AK9: variants seen among roughly 807,000 people sequenced by gnomAD.
AK9 encodes adenylate kinase 9.
In AK9, 191 loss-of-function variants were observed where a neutral mutation model predicts 239.6. The ratio of observed to expected loss-of-function variants is 0.80; its 90% CI spans 0.71 to 0.90. The LOEUF is 0.90. Ranked by LOEUF, AK9 falls within the 40% of genes least tolerant of loss-of-function variation. The probability of loss-of-function intolerance (pLI) is 0.00; values close to 1 mark genes in which losing one functional copy is unlikely to be tolerated. For synonymous variants in AK9, 689 were observed against 721.0 expected (o/e 0.96, Z 0.71); for missense variants, 1,995 against 2,214.7 (o/e 0.90, Z 1.99).
intron 25 of AK9, among the ~76,000 whole-genome samples, chr6:109,549,070 C>G: frequency 6.6e-6 from 1 of 152,158 alleles, no homozygotes; most frequent in East Asian, 1.9e-4. Context: ...AAAGCTGTAA[C>G]AGAAAAATGT....
At chr6:109,614,318 C>G in intron 14 of AK9, 22 bp from the exon 15 acceptor site, 1 of 1,549,540 alleles carries the variant, frequency 6.5e-7, no homozygotes, top group Non-Finnish European at 8.7e-7. Flanking sequence ...GAATAATATA[C>G]TTTATCAGCT....
chr6:109,540,669 A>T (rs9320295), intron 27 of AK9, among the ~76,000 whole-genome samples: 10 of 151,672 alleles, frequency 6.6e-5, no homozygotes, highest in Admixed American at 3.9e-4. Context: ...TTGGAAATTC[A>T]GAAATCACCT....
intron 17 of AK9, among the ~76,000 whole-genome samples, chr6:109,602,081 G>C (rs1370114631): frequency 6.6e-6 from 1 of 152,052 alleles, no homozygotes; most frequent in Non-Finnish European, 1.5e-5. Flanking sequence ...TTACATTTAA[G>C]GTTAATATTG....
chr6:109,554,878 A>C (rs1240364641), intron 24 of AK9, among the ~76,000 whole-genome samples: 1 of 151,922 alleles, frequency 6.6e-6, no homozygotes, highest in Non-Finnish European at 1.5e-5. Flanking sequence ...CCCCTTTGTC[A>C]TTTGTTATTG....
intron 2 of AK9, among the ~76,000 whole-genome samples, chr6:109,674,954 T>A (rs533950236): frequency 4.1e-4 from 62 of 152,212 alleles, no homozygotes; most frequent in Admixed American, 1.3e-3. Flanking sequence ...TTATCTAGAG[T>A]TTCTTACTAG....
intron 1 of AK9, among the ~76,000 whole-genome samples, chr6:109,683,687 T>C (rs944223856): frequency 3.3e-5 from 5 of 152,152 alleles, no homozygotes; most frequent in Non-Finnish European, 7.4e-5. Context: ...GAATACAACT[T>C]ACAAGAAATG....
At chr6:109,640,524 G>T (rs1477135171) in intron 10 of AK9, among the ~76,000 whole-genome samples, 1 of 152,028 alleles carries the variant, frequency 6.6e-6, no homozygotes, top group Non-Finnish European at 1.5e-5. Context: ...CGATCCCGCT[G>T]GGAGCTGCAG....
chr6:109,563,769 T>G, intron 23 of AK9, 57 bp from the exon 24 acceptor site: 1 of 1,483,350 alleles, frequency 6.7e-7, no homozygotes, highest in Non-Finnish European at 9.1e-7. Context: ...GTTATTAGCA[T>G]ATTACTATAG....
In AK9 at chr6:109,635,252, T is replaced by C. The variant is rs1436062492; in HGVS notation, c.934-1929A>G. 2.0e-5 allele frequency among the ~76,000 whole-genome samples: 3 copies of C among 152,198 alleles called. No individual in the cohort carries two copies. In the East Asian group the frequency reaches 5.8e-4, roughly 29 times the overall value. On this transcript the variant is annotated intron_variant, in intron 10 of 40. Transcript: ENST00000424296. ...AGCAGATGGATGAGTGGTAACTGAC[T>C]TATATCAGAGATAGGTGAAAGCTAA...
At chr6:109,581,268 C>G (rs769189911) in intron 19 of AK9, among the ~76,000 whole-genome samples, 1 of 152,132 alleles carries the variant, frequency 6.6e-6, no homozygotes, top group Admixed American at 6.6e-5. Context: ...ACATTTGTCA[C>G]TTTAAATCAA....
rs1332658812 is a variant in AK9 at position 109,514,294 on chromosome 6, T to G, written c.4209A>C (p.Gln1403His). The G allele has an allele frequency of 6.4e-7, 1 of 1,551,810 alleles. No homozygotes were observed. Among genetic ancestry groups the G allele is most frequent in the Non-Finnish European group, 8.7e-7 (1 of 1,146,976 alleles). The change falls in exon 32 of 41, where the codon CAA (glutamine) becomes CAC (histidine). Residue 1403 changes from glutamine (Q) to histidine (H), a missense_variant. Gln to His is a conservative substitution (Grantham distance 24). Transcript: ENST00000424296. ...TGGGCACAGTAGGCTTAGGTTTGGG[T>G]TGGCGGATATATTTGATTGGGTTCT... is the stretch of plus-strand genomic sequence containing the variant. ...FMKNPIKYIR[Q>H]PKPKPTVPIR...
At chr6:109,662,481 G>T (rs1380113102) in intron 6 of AK9, 70 bp downstream of exon 6, 1 of 1,230,850 alleles carries the variant, frequency 8.1e-7, no homozygotes, top group Non-Finnish European at 1.1e-6. Flanking sequence ...AATGTTTAAA[G>T]CATTCCTTGA....
Position 109,636,390 on chromosome 6 carries a change from T to A in AK9, c.934-3067A>T, listed in dbSNP as rs564072672. 2.3e-3 allele frequency among the ~76,000 whole-genome samples: 346 copies of A among 152,218 alleles called. 2 individuals carry two copies. The highest frequency in any genetic ancestry group is 4.0e-3 in the Non-Finnish European group (272 of 68,014). ...TTTTTGGGTTTATTTTTTGTTTTTT[T>A]AATTGTGGCAAAATACACATCCCAT... On this transcript the variant is annotated intron_variant, in intron 10 of 40. Transcript: ENST00000424296.
intron 8 of AK9, among the ~76,000 whole-genome samples, chr6:109,653,367 T>G (rs1362846839): frequency 1.3e-5 from 2 of 152,360 alleles, no homozygotes; most frequent in East Asian, 3.9e-4. Flanking sequence ...TTTAAATTTC[T>G]GCCAAACTGA....
At position 109,573,471 on chromosome 6, in the gene AK9, G is replaced by A. The variant is rs1487612496; in HGVS notation, c.2315C>T (p.Ser772Phe). 1.3e-6 allele frequency: 2 copies of A among 1,550,734 alleles called. No individual in the cohort carries two copies. Among genetic ancestry groups the A allele is most frequent in the Non-Finnish European group, 1.7e-6 (2 of 1,146,628 alleles). Residue 772 changes from serine to phenylalanine, a missense_variant, in exon 21 of 41, where the codon TCT becomes TTT. Physicochemically the swap from Ser to Phe is radical, Grantham distance 155. Coordinates refer to ENST00000424296, the MANE Select transcript of AK9 (RefSeq NM_001145128.3). ...TTCAGGCTCAGTTTCAGGGACCTCA[G>A]ATGCTTCAAACTCCTCAGGTAACCA... ...GSWLPEEFEA[S>F]EVPETEPEAV...
chr6:109,686,107 T>C (rs1773471195), intron 1 of AK9, among the ~76,000 whole-genome samples: 1 of 152,204 alleles, frequency 6.6e-6, no homozygotes, highest in Admixed American at 6.5e-5. Context: ...CTTAGAGCAG[T>C]GACAGTGAAC....
At chr6:109,585,082 C>A in intron 19 of AK9, 41 bp downstream of exon 19, 1 of 1,044,254 alleles carries the variant, frequency 9.6e-7, no homozygotes, top group Non-Finnish European at 1.2e-6. Context: ...ACTGCTATAA[C>A]AGATACATTA....
At position 109,689,189 on chromosome 6, in the gene AK9, CT is replaced by C. The variant is rs201071633; in HGVS notation, c.-12+1957del. On this transcript the variant is annotated intron_variant, in intron 1 of 40. Transcript: ENST00000424296. ...GGATTCTGCAGCTTGTCCCATTAATCTTTTTTTTTGTAAGTCCTTTTCTTTT... is the reference window on the plus strand; with the variant it reads ...GGATTCTGCAGCTTGTCCCATTAATCTTTTTTTTGTAAGTCCTTTTCTTTT... 9.1e-4 allele frequency among the ~76,000 whole-genome samples: 138 copies of C among 151,582 alleles called. 3 individuals carry two copies. In the East Asian group the frequency reaches 0.018, roughly 20 times the overall value.
chr6:109,632,789 C>G, intron 12 of AK9, 134 bp downstream of exon 12: 4 of 1,367,490 alleles, frequency 2.9e-6, no homozygotes, highest in Non-Finnish European at 3.8e-6. Context: ...TCAATTAAAA[C>G]ATGAAATTTT....
Sources: gnomAD v4.1 joint callset for allele counts (sites outside exome capture counted in the v4.1 genomes callset) on GRCh38, gnomAD v4.1.1 for gene constraint, MANE v1.5 for transcripts, NCBI Gene and HGNC (gene_info 2026-07-23, HGNC 2026-07-21) for gene names.